The following LCMT1 variants were observed in gnomAD, a reference collection of about 807,000 sequenced individuals.
LCMT1 encodes the protein [Phosphatase 2A protein]-leucine-carboxy methyltransferase 1.
In LCMT1, 32 loss-of-function variants were observed where a neutral mutation model predicts 47.7. That is an observed-to-expected ratio of 0.67 (90% CI 0.51 to 0.90). The LOEUF (loss-of-function observed/expected upper bound fraction) is 0.90, where lower values mean the gene tolerates loss of function less well. Among genes scored for constraint, LCMT1 ranks in the 40% least tolerant of loss-of-function variants. LCMT1 has a pLI of 0.00. For synonymous variants in LCMT1, 152 were observed against 149.7 expected, an observed-to-expected ratio of 1.02 and a Z score of -0.11; for missense variants, 375 against 415.2, an observed-to-expected ratio of 0.90 and a Z score of 0.84.
chr16:25,111,758 A>G lies in LCMT1; in HGVS notation c.-126A>G. The G allele has an allele frequency of 1.5e-6, 1 of 648,062 alleles. No homozygotes were observed. The highest frequency in any genetic ancestry group is 1.9e-5 in the South Asian group (1 of 52,990). The allele number at this position is 648,062 out of a possible 1,614,324, so 40.1% of individuals were successfully genotyped here. A position where few individuals can be genotyped will look rare whatever the true frequency, so the allele number is the denominator to read the frequency against. On this transcript the variant is annotated 5_prime_UTR_variant, in exon 1 of 11. Coordinates refer to ENST00000399069, the MANE Select transcript of LCMT1 (RefSeq NM_016309.3). ...GTGGGCGGCGTCACTGAGCCGCGCCAGCTGAGCCAGGTAGGGCCCTACCCT... is the reference window on the plus strand; with the variant it reads ...GTGGGCGGCGTCACTGAGCCGCGCCGGCTGAGCCAGGTAGGGCCCTACCCT...
chr16:25,174,991 G>T lies in LCMT1; in HGVS notation c.939G>T (p.Arg313=), dbSNP rs1961887581. ...DEMELLEQLM[R]HYCLCWATKG... is the part of the protein sequence containing the mutation. ...TGGAGCTGCTGGAGCAGCTCATGCG[G>T]CATTACTGCCTTTGCTGGGCAACCA... Residue 313 remains arginine (R), a synonymous_variant, in exon 10 of 11, where the codon CGG becomes CGT. Transcript: ENST00000399069. 6 of 1,611,198 alleles carry T rather than the reference G, an allele frequency of 3.7e-6. No individual in the cohort carries two copies. The highest frequency in any genetic ancestry group is 5.1e-6 in the Non-Finnish European group (6 of 1,178,046).
chr16:25,127,588 A>C lies in LCMT1; in HGVS notation c.114-887A>C, dbSNP rs1035092103. 2.0e-5 allele frequency among the ~76,000 whole-genome samples: 3 copies of C among 152,242 alleles called. No individual in the cohort carries two copies. The South Asian group carries it at 6.2e-4, about 32-fold the overall frequency. On this transcript the variant is annotated intron_variant, in intron 1 of 10. Transcript: ENST00000399069. ...AGAAGCTGAGAGACATGACACACCCATACCCTTAATTTCACCTTACTTAGC... is the reference window on the plus strand; with the variant it reads ...AGAAGCTGAGAGACATGACACACCCCTACCCTTAATTTCACCTTACTTAGC...
intron 5 of LCMT1, among the ~76,000 whole-genome samples, chr16:25,160,052 G>A (rs1028410783): frequency 1.3e-5 from 2 of 150,966 alleles, no homozygotes; most frequent in Non-Finnish European, 2.9e-5. Context: ...TGCAACCTCC[G>A]CTTCCCAGGT....
chr16:25,132,546 C>G (rs767758330), intron 3 of LCMT1, 23 bp downstream of exon 3: 1 of 1,609,456 alleles, frequency 6.2e-7, no homozygotes, highest in Non-Finnish European at 8.5e-7. Context: ...TCCCCTCCTC[C>G]CTCCCCAAGT....
intron 10 of LCMT1, 104 bp from the exon 11 acceptor site, chr16:25,177,897 G>A: frequency 2.2e-6 from 2 of 924,868 alleles, no homozygotes; most frequent in Non-Finnish European, 3.6e-6. Flanking sequence ...ACAGTGGTCA[G>A]CAGTGTGGCT....
intron 5 of LCMT1, among the ~76,000 whole-genome samples, chr16:25,155,680 T>C (rs927651533): frequency 8.0e-5 from 12 of 150,832 alleles, no homozygotes; most frequent in African/African-American, 2.2e-4. Flanking sequence ...TTCTTTCTTT[T>C]TTTTTTTTTT....
chr16:25,172,213 A>T (rs1961795774), intron 9 of LCMT1, among the ~76,000 whole-genome samples: 1 of 152,098 alleles, frequency 6.6e-6, no homozygotes, highest in African/African-American at 2.4e-5. Context: ...AGGCTGAGGC[A>T]GAAGAATTGC....
At chr16:25,161,852 T>C (rs1256656788) in intron 6 of LCMT1, among the ~76,000 whole-genome samples, 2 of 151,226 alleles carry the variant, frequency 1.3e-5, no homozygotes, top group African/African-American at 2.4e-5. Context: ...GGGCAAAATA[T>C]AGATTACCAG....
At chr16:25,137,586 C>T (rs1054489656) in intron 3 of LCMT1, among the ~76,000 whole-genome samples, 1 of 151,978 alleles carries the variant, frequency 6.6e-6, no homozygotes, top group Non-Finnish European at 1.5e-5. Context: ...CTGGGGACTA[C>T]AGGTGCAAGC....
rs1317403963 is a variant in LCMT1, at chr16:25,169,263, A to G, written c.792+50A>G. ...CCATTTGGACCCTTAGTCAACCAAG[A>G]TATATAAAGGTCTTTCTTTGCAGAT... On this transcript the variant is annotated intron_variant, in intron 8 of 10. Transcript: ENST00000399069. The G allele has an allele frequency of 3.3e-5, 39 of 1,198,714 alleles. No individual in the cohort carries two copies. In the Admixed American group the frequency reaches 6.6e-4, roughly 20 times the overall value. The allele number at this position is 1,198,714 out of a possible 1,614,324, so 74.3% of individuals were successfully genotyped here. A position where few individuals can be genotyped will look rare whatever the true frequency, so the allele number is the denominator to read the frequency against.
chr16:25,129,422 G>T (rs187794263), intron 2 of LCMT1, among the ~76,000 whole-genome samples: 7 of 152,238 alleles, frequency 4.6e-5, no homozygotes, highest in Middle Eastern at 3.4e-3. Flanking sequence ...TGTGAAAAAT[G>T]GTATCTTACT....
At chr16:25,132,280 C>T in intron 2 of LCMT1, 122 bp from the exon 3 acceptor site, 3 of 1,226,468 alleles carry the variant, frequency 2.4e-6, no homozygotes, top group Non-Finnish European at 3.4e-6. Flanking sequence ...TGCAGATTAA[C>T]CTCTGACACT....
chr16:25,155,569 T>C (rs1450384964), intron 5 of LCMT1, among the ~76,000 whole-genome samples: 1 of 152,100 alleles, frequency 6.6e-6, no homozygotes, highest in Non-Finnish European at 1.5e-5. Context: ...AAAAGGGAAA[T>C]TGGGTTCTGT....
chr16:25,162,444 G>T (rs1188791174), intron 6 of LCMT1, among the ~76,000 whole-genome samples: 1 of 151,922 alleles, frequency 6.6e-6, no homozygotes, highest in East Asian at 1.9e-4. Flanking sequence ...CAAAAAATCA[G>T]CTGGGCGTGG....
intron 1 of LCMT1, among the ~76,000 whole-genome samples, chr16:25,123,027 G>C (rs1263433481): frequency 6.6e-6 from 1 of 152,174 alleles, no homozygotes; most frequent in Non-Finnish European, 1.5e-5. Flanking sequence ...GCAATGCTTA[G>C]GCTATTTCCA....
At chr16:25,157,003 T>G (rs1961279391) in intron 5 of LCMT1, among the ~76,000 whole-genome samples, 1 of 151,550 alleles carries the variant, frequency 6.6e-6, no homozygotes, top group African/African-American at 2.4e-5. Flanking sequence ...AAAAGGTCAC[T>G]TTGCAATGCT....
Position 25,170,462 on chromosome 16 carries a change from G to T in LCMT1, c.793-252G>T, listed in dbSNP as rs115501592. On this transcript the variant is annotated intron_variant, in intron 8 of 10. Transcript: ENST00000399069. Reference sequence around the variant, plus strand: ...AAGGAGTCGTCTCAGAGGAGGTCTGGTGTGCTTAAGAGCATTTCAGTACCA... The same window carrying T: ...AAGGAGTCGTCTCAGAGGAGGTCTGTTGTGCTTAAGAGCATTTCAGTACCA... Among the ~76,000 whole-genome samples, 306 of 152,178 alleles carry T rather than the reference G, an allele frequency of 2.0e-3. 1 individual carries two copies. Among genetic ancestry groups the T allele is most frequent in the African/African-American group, 7.0e-3 (292 of 41,524 alleles).
At position 25,174,058 on chromosome 16, in the gene LCMT1, G is replaced by A. The variant is rs752808597; in HGVS notation, c.885-879G>A. ...TCCCAAATAGCTGTGACTACAGGTG[G>A]GCACCACCATGCCAGGCTAATTTTT... On this transcript the variant is annotated intron_variant, in intron 9 of 10. Coordinates refer to ENST00000399069, the MANE Select transcript of LCMT1 (RefSeq NM_016309.3). 3.3e-4 allele frequency among the ~76,000 whole-genome samples: 50 copies of A among 151,970 alleles called. 1 individual carries two copies. The highest frequency in any genetic ancestry group is 6.8e-3 in the Middle Eastern group (2 of 294).
chr16:25,159,223 CA>C (rs1961348328), intron 5 of LCMT1, among the ~76,000 whole-genome samples: 1 of 152,330 alleles, frequency 6.6e-6, no homozygotes, highest in African/African-American at 2.4e-5. Context: ...AGAAGTTACA[CA>C]GGCATTTTGG....
Sources: gnomAD v4.1 joint callset for allele counts (sites outside exome capture counted in the v4.1 genomes callset) on GRCh38, gnomAD v4.1.1 for gene constraint, MANE v1.5 for transcripts, NCBI Gene and HGNC (gene_info 2026-07-23, HGNC 2026-07-21) for gene names.